Variants in SURF4 observed in about 807,000 individuals in gnomAD.
The protein encoded by SURF4 is surfeit locus protein 4.
A neutral mutation model predicts 30.0 loss-of-function variants in SURF4; 3 were observed. The observed-to-expected ratio is 0.10, with a 90% confidence interval of 0.05 to 0.26. The LOEUF (loss-of-function observed/expected upper bound fraction) is 0.26. Among genes scored for constraint, SURF4 ranks in the 10% least tolerant of loss-of-function variants. SURF4 has a pLI of 1.00. For synonymous variants in SURF4, 143 were observed against 139.9 expected (o/e 1.02, Z -0.16); for missense variants, 217 against 350.8 (o/e 0.62, Z 3.05).
At chr9:133,373,585 A>C (rs2130209347) in intron 1 of SURF4, among the ~76,000 whole-genome samples, 4 of 151,676 alleles carry the variant, frequency 2.6e-5, no homozygotes, top group African/African-American at 9.7e-5. Flanking sequence ...CCTGGGTGAC[A>C]AAGTAAGACT....
upstream of SURF4, among the ~76,000 whole-genome samples, chr9:133,377,491 C>T (rs1406198164): frequency 1.3e-5 from 2 of 152,170 alleles, no homozygotes; most frequent in Non-Finnish European, 2.9e-5. Flanking sequence ...CATGGAGAAA[C>T]TGTCTCTACT....
intron 1 of SURF4, chr9:133,375,294 T>C: frequency 1.0e-6 from 1 of 985,542 alleles, no homozygotes. Context: ...CCTCCCAGGC[T>C]GTGTACAGGT....
Position 133,363,477 on chromosome 9 carries a change from T to TAGGG in SURF4, c.*12_*15dup. 1 of 1,614,232 alleles carries TAGGG rather than the reference T, an allele frequency of 6.2e-7. No homozygotes were observed. Among genetic ancestry groups the TAGGG allele is most frequent in the East Asian group, 2.2e-5 (1 of 44,886 alleles). ...CGGCCACGGGTCTTAGCCAGGCAGGTAGGGATCTGTGACTGTTACCACTCC... is the reference window on the plus strand; with the variant it reads ...CGGCCACGGGTCTTAGCCAGGCAGGTAGGGAGGGATCTGTGACTGTTACCACTCC... On this transcript the variant is annotated 3_prime_UTR_variant, in exon 6 of 6. Transcript: ENST00000371989. This position sits in a 1 kb window ranked among gnomAD's most constrained non-coding sequence, Gnocchi z 4.3.
At position 133,367,176 on chromosome 9, in the gene SURF4, C is replaced by T. The variant is rs144007238; in HGVS notation, c.235+83G>A. On this transcript the variant is annotated intron_variant, in intron 2 of 5. Coordinates refer to ENST00000371989, the MANE Select transcript of SURF4 (RefSeq NM_033161.4). ...GGGGGACAGCAGTCCAGGAGACCCC[C>T]GAGTTCACACACAGCCTCCCAACTG... The T allele has an allele frequency of 5.4e-4, 818 of 1,514,500 alleles. 4 individuals are homozygous for T. In the African/African-American group the frequency reaches 1.0e-2, roughly 18 times the overall value. 93.8% of individuals were successfully genotyped at this position (1,514,500 alleles called of 1,614,324 possible).
chr9:133,369,427 C>G (rs2130169629), intron 1 of SURF4, among the ~76,000 whole-genome samples: 1 of 152,212 alleles, frequency 6.6e-6, no homozygotes, highest in Non-Finnish European at 1.5e-5. Context: ...GAGAGTGTCT[C>G]TACTATCCTG....
intron 1 of SURF4, chr9:133,375,223 T>A (rs918170729): frequency 1.0e-6 from 1 of 985,502 alleles, no homozygotes; most frequent in Non-Finnish European, 1.2e-6. Flanking sequence ...GGCTTCCCTG[T>A]TGCTCAGAAT....
intron 1 of SURF4, among the ~76,000 whole-genome samples, chr9:133,374,831 A>C (rs1837771292): frequency 6.6e-6 from 1 of 152,062 alleles, no homozygotes; most frequent in Non-Finnish European, 1.5e-5. Context: ...ACACATATAC[A>C]AGCCTTCCGA....
At chr9:133,373,326 C>T (rs1175652033) in intron 1 of SURF4, among the ~76,000 whole-genome samples, 15 of 152,128 alleles carry the variant, frequency 9.9e-5, no homozygotes, top group Admixed American at 5.9e-4. Flanking sequence ...AGGCTGGGCG[C>T]GGTGGCTCAG....
At chr9:133,371,418 C>T (rs1256224176) in intron 1 of SURF4, among the ~76,000 whole-genome samples, 2 of 152,202 alleles carry the variant, frequency 1.3e-5, no homozygotes, top group Non-Finnish European at 2.9e-5. Context: ...CACACTGCAC[C>T]CTGCAGGGCC....
At chr9:133,373,341 G>GTAAT (rs1837617799) in intron 1 of SURF4, among the ~76,000 whole-genome samples, 2 of 152,220 alleles carry the variant, frequency 1.3e-5, no homozygotes, top group African/African-American at 4.8e-5. Context: ...GCTCAGGCAT[G>GTAAT]TAATCCCAGA....
Position 133,366,714 on chromosome 9 carries a change from G to C in SURF4, c.236-39C>G, listed in dbSNP as rs2130132047. 4 of 1,599,166 alleles carry C rather than the reference G, an allele frequency of 2.5e-6. No individual in the cohort carries two copies. In the South Asian group the frequency reaches 4.4e-5, roughly 18 times the overall value. ...CAAGGGTTAGGGGGCCTGAGGGTGG[G>C]TGCCGGCGGGGAGCACTGTCTTGAT... On this transcript the variant is annotated intron_variant, in intron 2 of 5. Transcript: ENST00000371989.
chr9:133,376,751 C>T (rs2130251138), upstream of SURF4, among the ~76,000 whole-genome samples: 1 of 152,328 alleles, frequency 6.6e-6, no homozygotes, highest in South Asian at 2.1e-4. Context: ...CACTCAGTTT[C>T]CCCCTTTGTG....
At chr9:133,367,590 A>G in intron 1 of SURF4, 145 bp from the exon 2 acceptor site, 1 of 1,519,500 alleles carries the variant, frequency 6.6e-7, no homozygotes, top group Non-Finnish European at 8.8e-7. Flanking sequence ...TTCCCAGGGC[A>G]GACTAGGGGG....
chr9:133,368,419 A>C lies in SURF4; in HGVS notation c.49-974T>G, dbSNP rs2130158641. Among the ~76,000 whole-genome samples, 13 of 152,314 alleles carry C rather than the reference A, an allele frequency of 8.5e-5. No individual in the cohort carries two copies. The South Asian group carries it at 1.7e-3, about 19-fold the overall frequency. ...GGGCTGGCGCTTCCCAGCCCGACGGAGCTCTCCCCTGCAAGCTCAGGATCT... is the reference window on the plus strand; with the variant it reads ...GGGCTGGCGCTTCCCAGCCCGACGGCGCTCTCCCCTGCAAGCTCAGGATCT... On this transcript the variant is annotated intron_variant, in intron 1 of 5. Transcript: ENST00000371989.
intron 1 of SURF4, chr9:133,370,790 TCCC>T (rs782409260): frequency 4.7e-6 from 5 of 1,053,952 alleles, no homozygotes; most frequent in African/African-American, 1.6e-5. Flanking sequence ...ACAGTCCCCC[TCCC>T]CCCCATTAGA....
At chr9:133,375,714 G>A (rs1382181752) in intron 1 of SURF4, among the ~76,000 whole-genome samples, 2 of 152,100 alleles carry the variant, frequency 1.3e-5, no homozygotes, top group East Asian at 1.9e-4. Flanking sequence ...CTCCGGGAGC[G>A]GCCCAGCGGG....
At chr9:133,371,174 G>A in intron 1 of SURF4, 1 of 976,508 alleles carries the variant, frequency 1.0e-6, no homozygotes, top group Non-Finnish European at 1.2e-6. Flanking sequence ...AAAGCAGCTT[G>A]CAAATTCGTG....
chr9:133,376,200 C>A (rs1837930332), upstream of SURF4: 1 of 1,273,268 alleles, frequency 7.9e-7, no homozygotes, highest in Non-Finnish European at 9.9e-7. Flanking sequence ...GCCTCCCGAC[C>A]CATCCGCTCG....
chr9:133,373,883 A>T (rs758791259), intron 1 of SURF4, among the ~76,000 whole-genome samples: 1 of 131,488 alleles, frequency 7.6e-6, no homozygotes, highest in African/African-American at 2.8e-5. Context: ...GCACCATTAC[A>T]CTCCAGCCTG....
Sources: allele counts gnomAD v4.1 joint callset (sites outside exome capture counted in the v4.1 genomes callset), GRCh38; gene constraint gnomAD v4.1.1; non-coding constraint Gnocchi (gnomAD v3.1); transcripts MANE v1.5; gene names NCBI Gene and HGNC (gene_info 2026-07-23, HGNC 2026-07-21).